Variants in PAFAH1B1 observed in about 807,000 individuals in gnomAD.
PAFAH1B1 encodes the protein platelet-activating factor acetylhydrolase IB subunit beta.
PAFAH1B1 carries 2 observed loss-of-function variants against 57.5 expected under a neutral mutation model. The ratio of observed to expected loss-of-function variants is 0.03; its 90% CI spans 0.01 to 0.11. The LOEUF is 0.11. Ranked by LOEUF, PAFAH1B1 falls within the 10% of genes least tolerant of loss-of-function variation. The probability of loss-of-function intolerance (pLI) is 1.00; values close to 1 mark genes in which losing one functional copy is unlikely to be tolerated. For missense variants in PAFAH1B1, 257 were observed against 512.0 expected (o/e 0.50, Z 4.81); for synonymous variants, 152 against 169.6 (o/e 0.90, Z 0.81).
intron 2 of PAFAH1B1, among the ~76,000 whole-genome samples, chr17:2,651,980 T>A (rs2068856524): frequency 6.6e-6 from 1 of 152,186 alleles, no homozygotes; most frequent in Non-Finnish European, 1.5e-5. Context: ...AATCTCAGCC[T>A]CCCCCTATTC....
At chr17:2,628,742 C>A (rs2068522323) in intron 1 of PAFAH1B1, among the ~76,000 whole-genome samples, 1 of 151,982 alleles carries the variant, frequency 6.6e-6, no homozygotes, top group African/African-American at 2.4e-5. Context: ...TTGGTAATTT[C>A]TTAATTACCG....
intron 1 of PAFAH1B1, among the ~76,000 whole-genome samples, chr17:2,636,693 C>G (rs531214457): frequency 6.6e-6 from 1 of 152,020 alleles, no homozygotes; most frequent in South Asian, 2.1e-4. Context: ...GCCACCACGC[C>G]TGGCCTCAGG....
intron 1 of PAFAH1B1, among the ~76,000 whole-genome samples, chr17:2,598,504 T>C (rs2068108180): frequency 6.6e-6 from 1 of 152,078 alleles, no homozygotes; most frequent in South Asian, 2.1e-4. Context: ...AGGTAACTTA[T>C]TTTTATGTGC....
intron 1 of PAFAH1B1, among the ~76,000 whole-genome samples, chr17:2,603,291 A>G (rs1462105516): frequency 6.6e-6 from 1 of 152,122 alleles, no homozygotes; most frequent in East Asian, 1.9e-4. Context: ...CTGGGTCTAC[A>G]GGCCCGCGCC....
rs923584453 is a variant in PAFAH1B1 at position 2,685,446 on chromosome 17, A to G, written c.*3644A>G. On this transcript the variant is annotated 3_prime_UTR_variant, in exon 11 of 11. Transcript: ENST00000397195. ...AGATTGTTAAGAGTTCACTGAAGAT[A>G]TTGACACAATTTTAAAAAATCAGTA... is the stretch of plus-strand genomic sequence containing the variant. 6.6e-6 allele frequency: 1 copy of G among 152,600 alleles called. No individual in the cohort carries two copies. The highest frequency in any genetic ancestry group is 1.9e-4 in the East Asian group (1 of 5,194). The allele number at this position is 152,600 out of a possible 1,614,324, so 9.5% of individuals were successfully genotyped here. A position where few individuals can be genotyped will look rare whatever the true frequency, so the allele number is the denominator to read the frequency against.
At position 2,685,200 on chromosome 17, in the gene PAFAH1B1, T is replaced by G. The variant is rs2069456400; in HGVS notation, c.*3398T>G. Reference sequence around the variant, plus strand: ...GGGGAGGGCAAGCTGGATTTACAGGTCACGGCTGGACTGAATGGGCCTTTT... The same window carrying G: ...GGGGAGGGCAAGCTGGATTTACAGGGCACGGCTGGACTGAATGGGCCTTTT... On this transcript the variant is annotated 3_prime_UTR_variant, in exon 11 of 11. Transcript: ENST00000397195. 1 of 152,170 alleles carries G rather than the reference T, an allele frequency of 6.6e-6. No homozygotes were observed. Among genetic ancestry groups the G allele is most frequent in the Non-Finnish European group, 1.5e-5 (1 of 67,978 alleles). 9.4% of individuals were successfully genotyped at this position (152,170 alleles called of 1,614,324 possible). A position where few individuals can be genotyped will look rare whatever the true frequency, so the allele number is the denominator to read the frequency against.
At chr17:2,654,083 A>T (rs1291244309) in intron 2 of PAFAH1B1, among the ~76,000 whole-genome samples, 1 of 152,174 alleles carries the variant, frequency 6.6e-6, no homozygotes, top group African/African-American at 2.4e-5. Context: ...CTGGGATTAC[A>T]GGCGTGAGCC....
At chr17:2,650,285 G>T (rs896741542) in intron 2 of PAFAH1B1, among the ~76,000 whole-genome samples, 3 of 148,900 alleles carry the variant, frequency 2.0e-5, no homozygotes, top group Non-Finnish European at 1.5e-5. Flanking sequence ...GCCGAGGCGG[G>T]TGGATCACTT....
At chr17:2,637,960 A>G (rs1234123527) in intron 1 of PAFAH1B1, 139 bp from the exon 2 acceptor site, 8 of 421,686 alleles carry the variant, frequency 1.9e-5, no homozygotes, top group South Asian at 8.5e-5. Context: ...GTTGACTTTC[A>G]CTATAAGTGG....
chr17:2,608,279 T>C (rs1302840933), intron 1 of PAFAH1B1, among the ~76,000 whole-genome samples: 1 of 152,026 alleles, frequency 6.6e-6, no homozygotes, highest in Non-Finnish European at 1.5e-5. Flanking sequence ...GAGATGGGGG[T>C]TGCACTATGT....
At chr17:2,609,939 C>T (rs954063313) in intron 1 of PAFAH1B1, among the ~76,000 whole-genome samples, 1 of 152,216 alleles carries the variant, frequency 6.6e-6, no homozygotes, top group Non-Finnish European at 1.5e-5. Flanking sequence ...ATTCTTGTGC[C>T]TCAGCCTCCC....
chr17:2,593,726 G>C lies in PAFAH1B1; in HGVS notation c.-471G>C, dbSNP rs2068049013. Reference sequence around the variant, plus strand: ...GAGCGAGTGAGCGAGCGGAGGAGCAGCGACACGGGAGTCTAGGGAGCGAGA... The same window carrying C: ...GAGCGAGTGAGCGAGCGGAGGAGCACCGACACGGGAGTCTAGGGAGCGAGA... On this transcript the variant is annotated 5_prime_UTR_variant, in exon 1 of 11. Coordinates refer to ENST00000397195, the MANE Select transcript of PAFAH1B1 (RefSeq NM_000430.4). 1 of 350,658 alleles carries C rather than the reference G, an allele frequency of 2.9e-6. No individual in the cohort carries two copies. Among genetic ancestry groups the C allele is most frequent in the South Asian group, 1.3e-4 (1 of 7,704 alleles). The allele number at this position is 350,658 out of a possible 1,614,324, so 21.7% of individuals were successfully genotyped here. A position where few individuals can be genotyped will look rare whatever the true frequency, so the allele number is the denominator to read the frequency against.
intron 1 of PAFAH1B1, among the ~76,000 whole-genome samples, chr17:2,608,316 C>T (rs113840611): frequency 0.023 from 3,554 of 152,208 alleles, 141 homozygotes; most frequent in African/African-American, 0.081. Context: ...GAACTCCTGA[C>T]CTCGTGATCC....
chr17:2,668,420 C>G (rs961987919), intron 5 of PAFAH1B1, among the ~76,000 whole-genome samples: 1 of 152,142 alleles, frequency 6.6e-6, no homozygotes, highest in Non-Finnish European at 1.5e-5. Flanking sequence ...GGTGTGGTAG[C>G]TCATGCCTAT....
At chr17:2,608,528 T>C (rs929525524) in intron 1 of PAFAH1B1, among the ~76,000 whole-genome samples, 1 of 152,182 alleles carries the variant, frequency 6.6e-6, no homozygotes, top group African/African-American at 2.4e-5. Context: ...TTGGGCTGGG[T>C]GTGGTGGCTC....
chr17:2,634,788 G>A (rs2068600497), intron 1 of PAFAH1B1, among the ~76,000 whole-genome samples: 4 of 152,036 alleles, frequency 2.6e-5, no homozygotes, highest in Non-Finnish European at 5.9e-5. Flanking sequence ...ACCCGCAGGT[G>A]GCAATACTTG....
intron 2 of PAFAH1B1, among the ~76,000 whole-genome samples, chr17:2,660,998 A>G (rs1276226750): frequency 1.3e-5 from 2 of 152,050 alleles, no homozygotes; most frequent in Non-Finnish European, 2.9e-5. Context: ...TTCTCTAATG[A>G]TCAGTGATGT....
intron 1 of PAFAH1B1, among the ~76,000 whole-genome samples, chr17:2,606,068 G>A (rs1376860501): frequency 6.6e-6 from 1 of 152,120 alleles, no homozygotes; most frequent in Non-Finnish European, 1.5e-5. Flanking sequence ...AAATATTGAC[G>A]ATTTTGTTAA....
intron 5 of PAFAH1B1, among the ~76,000 whole-genome samples, chr17:2,668,250 C>A (rs1203675565): frequency 4.7e-5 from 7 of 149,646 alleles, no homozygotes; most frequent in Non-Finnish European, 1.0e-4. Context: ...CGCTTGAACC[C>A]AGGAGACAGG....
Sources: gnomAD v4.1 joint callset for allele counts (sites outside exome capture counted in the v4.1 genomes callset) on GRCh38, gnomAD v4.1.1 for gene constraint, MANE v1.5 for transcripts, NCBI Gene and HGNC (gene_info 2026-07-23, HGNC 2026-07-21) for gene names.